Variants in CPAMD8 observed in about 807,000 individuals in gnomAD.
CPAMD8 encodes the protein C3 and PZP-like alpha-2-macroglobulin domain-containing protein 8.
In CPAMD8, 146 loss-of-function variants were observed where a neutral mutation model predicts 224.7. The observed-to-expected ratio is 0.65, with a 90% CI of 0.57 to 0.75. The LOEUF is 0.75. CPAMD8 is among the 30% of genes least tolerant of loss of function. The pLI, the probability that CPAMD8 is intolerant of heterozygous loss-of-function variation, is 0.00. For synonymous variants in CPAMD8, 966 were observed against 1,044.6 expected, an observed-to-expected ratio of 0.92 and a Z score of 1.45; for missense variants, 2,301 against 2,537.5, an observed-to-expected ratio of 0.91 and a Z score of 2.00.
chr19:16,903,874 A>G lies in CPAMD8; in HGVS notation c.4252-17T>C. 3 of 1,611,322 alleles carry G rather than the reference A, an allele frequency of 1.9e-6. No individual in the cohort carries two copies. The highest frequency in any genetic ancestry group is 2.5e-6 in the Non-Finnish European group (3 of 1,179,368). Reference sequence around the variant, plus strand: ...GCAGGTGTCCTGGGGATGGAGGAGGAGACGGCCATCAACCCTGAGACTGAG... The same window carrying G: ...GCAGGTGTCCTGGGGATGGAGGAGGGGACGGCCATCAACCCTGAGACTGAG... On this transcript the variant is annotated splice_polypyrimidine_tract_variant and intron_variant, in intron 32 of 41. Coordinates refer to ENST00000443236, the MANE Select transcript of CPAMD8 (RefSeq NM_015692.5).
At chr19:16,949,588 C>A (rs1399165065) in intron 20 of CPAMD8, among the ~76,000 whole-genome samples, 1 of 152,208 alleles carries the variant, frequency 6.6e-6, no homozygotes, top group Non-Finnish European at 1.5e-5. Context: ...TTCCTGCCTC[C>A]TTGCCTCTTG....
intron 1 of CPAMD8, among the ~76,000 whole-genome samples, chr19:17,026,000 C>G (rs1324528732): frequency 6.6e-6 from 1 of 152,182 alleles, no homozygotes; most frequent in Non-Finnish European, 1.5e-5. Context: ...AACCCGCAGC[C>G]CTGCAGAGCT....
intron 25 of CPAMD8, among the ~76,000 whole-genome samples, chr19:16,927,571 G>A (rs561341610): frequency 2.6e-5 from 4 of 152,102 alleles, no homozygotes; most frequent in Admixed American, 2.0e-4. Flanking sequence ...CAACTGCTCC[G>A]GACGCCTGCC....
At chr19:16,976,235 G>A (rs1164160286) in intron 15 of CPAMD8, 84 bp from the exon 16 acceptor site, 3 of 1,174,396 alleles carry the variant, frequency 2.6e-6, no homozygotes, top group Non-Finnish European at 3.6e-6. Flanking sequence ...CAACACTTTG[G>A]GAGGCCGAGG....
intron 20 of CPAMD8, among the ~76,000 whole-genome samples, chr19:16,951,757 A>C (rs1599768742): frequency 6.6e-6 from 1 of 151,576 alleles, no homozygotes; most frequent in Middle Eastern, 3.4e-3. Flanking sequence ...ATCTCATCCC[A>C]CTCCTGCCTC....
At chr19:16,896,691 A>ACCCCCCAC in intron 39 of CPAMD8, 26 bp from the exon 40 acceptor site, 2 of 1,373,696 alleles carry the variant, frequency 1.5e-6, no homozygotes, top group Non-Finnish European at 1.9e-6. Context: ...GGCTCGACAG[A>ACCCCCCAC]CCCCCCACCC....
intron 18 of CPAMD8, among the ~76,000 whole-genome samples, chr19:16,965,469 G>A (rs1471002555): frequency 4.6e-5 from 7 of 152,084 alleles, no homozygotes; most frequent in South Asian, 2.1e-4. Context: ...CCTATTCAAC[G>A]TAGTGTTGGA....
intron 18 of CPAMD8, among the ~76,000 whole-genome samples, chr19:16,966,572 A>G (rs992870469): frequency 1.1e-4 from 16 of 152,224 alleles, no homozygotes; most frequent in Non-Finnish European, 2.4e-4. Flanking sequence ...AGATTGGGAG[A>G]AAATTTTTGC....
At chr19:16,903,381 T>C (rs1469742029) in intron 34 of CPAMD8, among the ~76,000 whole-genome samples, 180 bp downstream of exon 34, 1 of 143,520 alleles carries the variant, frequency 7.0e-6, no homozygotes, top group Non-Finnish European at 1.5e-5. Context: ...GTGGCACACC[T>C]GAGAGGACCC....
chr19:17,020,452 A>G, intron 2 of CPAMD8, 99 bp from the exon 3 acceptor site: 1 of 879,426 alleles, frequency 1.1e-6, no homozygotes, highest in Admixed American at 1.8e-5. Context: ...CTTAACCCAA[A>G]GGGGTTTCAT....
Position 16,897,911 on chromosome 19 carries a change from G to T in CPAMD8, c.4932C>A (p.Ser1644=). The change falls in exon 38 of 42, where the codon TCC becomes TCA. Residue 1644 remains serine, a synonymous_variant. Transcript: ENST00000443236. ...VVGRTSALPV[S]VYDYYEPAFE... ...TACCGGGTTCGTAGTAGTCGTACAC[G>T]GAGACTGGCAGCGCCGACGTCCTGC... The T allele has an allele frequency of 2.5e-6, 4 of 1,610,930 alleles. No individual in the cohort carries two copies. The highest frequency in any genetic ancestry group is 3.4e-6 in the Non-Finnish European group (4 of 1,179,236).
chr19:17,008,467 A>C (rs758222370), intron 7 of CPAMD8, 38 bp downstream of exon 7: 1 of 1,610,048 alleles, frequency 6.2e-7, no homozygotes, highest in Non-Finnish European at 8.5e-7. Flanking sequence ...AAGGTTTATC[A>C]CATCTGCAGC....
chr19:16,965,722 T>C (rs1438811036), intron 18 of CPAMD8, among the ~76,000 whole-genome samples: 1 of 152,172 alleles, frequency 6.6e-6, no homozygotes, highest in Non-Finnish European at 1.5e-5. Context: ...AGCCAAATCA[T>C]GAGTGAAATC....
chr19:17,006,372 A>T (rs2056491930), intron 7 of CPAMD8, among the ~76,000 whole-genome samples: 1 of 151,994 alleles, frequency 6.6e-6, no homozygotes, highest in Non-Finnish European at 1.5e-5. Flanking sequence ...AAATTTAAAA[A>T]ATTAGCTGGG....
intron 12 of CPAMD8, among the ~76,000 whole-genome samples, chr19:16,992,004 C>A (rs1359601186): frequency 6.6e-6 from 1 of 152,172 alleles, no homozygotes; most frequent in East Asian, 1.9e-4. Flanking sequence ...ACCTTTAGGA[C>A]ATGGTGCCCA....
intron 31 of CPAMD8, 21 bp from the exon 32 acceptor site, chr19:16,904,383 T>G (rs1599662408): frequency 6.2e-7 from 1 of 1,613,990 alleles, no homozygotes; most frequent in African/African-American, 1.3e-5. Context: ...AGAGGCCCAC[T>G]GGGGACTTTT....
At position 16,971,026 on chromosome 19, in the gene CPAMD8, C is replaced by G. The variant is rs754046370; in HGVS notation, c.2078G>C (p.Gly693Ala). 3 of 1,601,912 alleles carry G rather than the reference C, an allele frequency of 1.9e-6. No homozygotes were observed. The highest frequency in any genetic ancestry group is 2.6e-6 in the Non-Finnish European group (3 of 1,174,160). ...CACTCGGTCGGTCATCACCACCAGT[C>G]CCGTTTCCTAGGCAACAGACAACAC... ...KDSGFAFTETGLVVMTDRVSL... is the reference protein window; with the variant it reads ...KDSGFAFTETALVVMTDRVSL... Residue 693 changes from glycine to alanine, a missense_variant, in exon 18 of 42, where the codon GGA (glycine) becomes GCA (alanine). Gly to Ala is a moderately conservative substitution (Grantham distance 60). Transcript: ENST00000443236.
At chr19:16,914,844 T>G (rs376385442) in intron 27 of CPAMD8, 31 bp from the exon 28 acceptor site, 2 of 1,538,254 alleles carry the variant, frequency 1.3e-6, no homozygotes, top group East Asian at 4.5e-5. Context: ...AGCTGAGGGG[T>G]TGCAGAATGG....
intron 41 of CPAMD8, 28 bp from the exon 42 acceptor site, chr19:16,893,367 T>A (rs773020819): frequency 3.5e-5 from 50 of 1,440,626 alleles, no homozygotes; most frequent in Admixed American, 6.4e-5. Flanking sequence ...TCTTACAACA[T>A]CCTCTACAGC....
Sources: gnomAD v4.1 joint callset for allele counts (sites outside exome capture counted in the v4.1 genomes callset) on GRCh38, gnomAD v4.1.1 for gene constraint, MANE v1.5 for transcripts, NCBI Gene and HGNC (gene_info 2026-07-23, HGNC 2026-07-21) for gene names.